PRKCH: variants seen among roughly 807,000 people sequenced by gnomAD.
PRKCH encodes protein kinase C eta type.
PRKCH carries 28 observed loss-of-function variants against 82.5 expected under a neutral mutation model. The observed-to-expected ratio is 0.34, with a 90% CI of 0.25 to 0.47. PRKCH has a LOEUF of 0.47. Among genes scored for constraint, PRKCH ranks in the 20% least tolerant of loss-of-function variants. PRKCH has a pLI of 1.00. For synonymous variants in PRKCH, 322 were observed against 327.4 expected (o/e 0.98, Z 0.18); for missense variants, 705 against 881.8 (o/e 0.80, Z 2.54).
intron 11 of PRKCH, 80 bp downstream of exon 11, chr14:61,529,293 T>G: frequency 1.3e-6 from 2 of 1,500,448 alleles, no homozygotes; most frequent in Non-Finnish European, 1.8e-6. Context: ...GCTGCTTTTA[T>G]GCACTGCAGC....
intron 1 of PRKCH, among the ~76,000 whole-genome samples, chr14:61,288,435 T>C (rs12437296): frequency 0.085 from 12,952 of 152,118 alleles, 738 homozygotes; most frequent in Admixed American, 0.15. Context: ...AGGTCACTGA[T>C]TCAAATGCAA....
chr14:61,196,679 G>C (rs1190689310), intron 1 of PRKCH, among the ~76,000 whole-genome samples: 1 of 152,152 alleles, frequency 6.6e-6, no homozygotes, highest in African/African-American at 2.4e-5. Flanking sequence ...TGCCTGTCAG[G>C]ACATAACTGG....
intron 13 of PRKCH, among the ~76,000 whole-genome samples, chr14:61,548,398 C>G (rs763649663): frequency 1.8e-4 from 27 of 152,176 alleles, no homozygotes; most frequent in Admixed American, 1.8e-3. Context: ...CTTCTTTGAC[C>G]AAAGAAATAC....
At chr14:61,351,574 A>G (rs562280447) in intron 1 of PRKCH, among the ~76,000 whole-genome samples, 58 of 152,340 alleles carry the variant, frequency 3.8e-4, no homozygotes, top group Admixed American at 1.1e-3. Flanking sequence ...TTAGAAGGAC[A>G]TATTTGAGGG....
chr14:61,222,976 T>A (rs1179176923), intron 1 of PRKCH, among the ~76,000 whole-genome samples: 2 of 152,182 alleles, frequency 1.3e-5, no homozygotes, highest in Non-Finnish European at 2.9e-5. Context: ...GGACGCCTTT[T>A]TTTTTCCCCT....
intron 1 of PRKCH, among the ~76,000 whole-genome samples, chr14:61,364,058 T>G (rs1309553558): frequency 2.0e-5 from 3 of 147,882 alleles, no homozygotes; most frequent in African/African-American, 7.4e-5. Context: ...TATATTTGTG[T>G]GTATATATAT....
intron 9 of PRKCH, among the ~76,000 whole-genome samples, chr14:61,463,992 C>T (rs141573628): frequency 4.6e-4 from 70 of 152,308 alleles, no homozygotes; most frequent in African/African-American, 1.6e-3. Context: ...AGGTTGATTC[C>T]ATATCTTGGC....
At chr14:61,271,148 C>T (rs2045149790) in intron 1 of PRKCH, among the ~76,000 whole-genome samples, 1 of 152,156 alleles carries the variant, frequency 6.6e-6, no homozygotes, top group African/African-American at 2.4e-5. Context: ...CTAGTGTACC[C>T]ACCTCCCACA....
At chr14:61,534,794 G>T (rs1594793274) in intron 12 of PRKCH, among the ~76,000 whole-genome samples, 1 of 152,192 alleles carries the variant, frequency 6.6e-6, no homozygotes, top group East Asian at 1.9e-4. Flanking sequence ...TTCTGCCACT[G>T]ATTTTCAGTC....
At chr14:61,196,489 T>A (rs184580532) in intron 1 of PRKCH, among the ~76,000 whole-genome samples, 2 of 152,262 alleles carry the variant, frequency 1.3e-5, no homozygotes, top group East Asian at 3.9e-4. Flanking sequence ...GAAACTTGAG[T>A]TTAAAATCCT....
chr14:61,475,408 A>G (rs1399307670), intron 9 of PRKCH, among the ~76,000 whole-genome samples: 1 of 152,222 alleles, frequency 6.6e-6, no homozygotes, highest in East Asian at 1.9e-4. Flanking sequence ...GGTTTGTTCA[A>G]ACGTTCTTCT....
chr14:61,283,131 A>G (rs1206579020), intron 1 of PRKCH, among the ~76,000 whole-genome samples: 1 of 151,732 alleles, frequency 6.6e-6, no homozygotes, highest in Non-Finnish European at 1.5e-5. Flanking sequence ...CAGCCTCCCA[A>G]ATTGTTGGGA....
At chr14:61,358,247 C>T (rs2046177488) in intron 1 of PRKCH, among the ~76,000 whole-genome samples, 1 of 152,158 alleles carries the variant, frequency 6.6e-6, no homozygotes, top group South Asian at 2.1e-4. Context: ...GATTGTAATG[C>T]ATTTGTACAG....
chr14:61,303,497 A>G (rs750417066), intron 1 of PRKCH: 1 of 152,216 alleles, frequency 6.6e-6, no homozygotes, highest in Non-Finnish European at 1.5e-5. Context: ...TAATAATAGT[A>G]TATCAATACC....
At chr14:61,312,832 C>T (rs113348878) in intron 1 of PRKCH, among the ~76,000 whole-genome samples, 13 of 152,268 alleles carry the variant, frequency 8.5e-5, no homozygotes, top group East Asian at 3.9e-4. Context: ...CAATTCAAGA[C>T]GCGATCTGGG....
intron 9 of PRKCH, among the ~76,000 whole-genome samples, chr14:61,470,660 T>C (rs554549301): frequency 6.6e-6 from 1 of 152,286 alleles, no homozygotes; most frequent in African/African-American, 2.4e-5. Flanking sequence ...CTGTATTTTT[T>C]AGCTCACTCC....
At chr14:61,445,570 G>T in intron 3 of PRKCH, 122 bp from the exon 4 acceptor site, 1 of 878,290 alleles carries the variant, frequency 1.1e-6, no homozygotes, top group Non-Finnish European at 1.9e-6. Context: ...CATGATCTTT[G>T]CTTCTTCCCT....
intron 1 of PRKCH, among the ~76,000 whole-genome samples, chr14:61,282,841 T>C (rs965748559): frequency 6.6e-6 from 1 of 152,328 alleles, no homozygotes; most frequent in Admixed American, 6.5e-5. Flanking sequence ...CTTCTTATCA[T>C]ACCCAAAGAG....
At chr14:61,400,175 C>A (rs1881535506) in intron 2 of PRKCH, among the ~76,000 whole-genome samples, 1 of 152,180 alleles carries the variant, frequency 6.6e-6, no homozygotes, top group South Asian at 2.1e-4. Context: ...AGTCATGTGG[C>A]ACATGGACCA....
Sources: gnomAD v4.1 joint callset for allele counts (sites outside exome capture counted in the v4.1 genomes callset) on GRCh38, gnomAD v4.1.1 for gene constraint, MANE v1.5 for transcripts, NCBI Gene and HGNC (gene_info 2026-07-23, HGNC 2026-07-21) for gene names.